ZNF423: variants seen among roughly 807,000 people sequenced by gnomAD.
ZNF423 encodes zinc finger protein 423.
Under a neutral mutation model 95.8 loss-of-function variants are expected in ZNF423, and 12 were observed. The ratio of observed to expected loss-of-function variants is 0.13; its 90% CI spans 0.08 to 0.20. ZNF423 has a LOEUF of 0.20. Ranked by LOEUF, ZNF423 falls within the 10% of genes least tolerant of loss-of-function variation. The probability of loss-of-function intolerance (pLI) is 1.00; values close to 1 mark genes in which losing one functional copy is unlikely to be tolerated. For missense variants in ZNF423, 1,316 were observed against 1,737.1 expected (o/e 0.76, Z 4.31); for synonymous variants, 749 against 711.9 (o/e 1.05, Z -0.83).
chr16:49,729,458 A>G (rs1874237182), intron 3 of ZNF423, among the ~76,000 whole-genome samples: 1 of 151,966 alleles, frequency 6.6e-6, no homozygotes, highest in Admixed American at 6.5e-5. Context: ...TTGCCCTAGT[A>G]TTTCCCTTGG....
intron 3 of ZNF423, among the ~76,000 whole-genome samples, chr16:49,726,135 T>C (rs1285179739): frequency 6.6e-6 from 1 of 152,118 alleles, no homozygotes; most frequent in Admixed American, 6.5e-5. Flanking sequence ...CACAGGCCCC[T>C]GCTGACAGCC....
At chr16:49,589,140 T>C (rs1482219070) in intron 5 of ZNF423, among the ~76,000 whole-genome samples, 1 of 152,122 alleles carries the variant, frequency 6.6e-6, no homozygotes, top group African/African-American at 2.4e-5. Context: ...CAAGAGTCAC[T>C]GAAACCCCTC....
At chr16:49,770,037 C>G (rs570158900) in intron 2 of ZNF423, among the ~76,000 whole-genome samples, 7 of 152,152 alleles carry the variant, frequency 4.6e-5, no homozygotes, top group African/African-American at 1.7e-4. Context: ...GCATGTGGTG[C>G]ATTTTTATTC....
chr16:49,526,996 G>A (rs1968636426), intron 5 of ZNF423, among the ~76,000 whole-genome samples: 1 of 152,230 alleles, frequency 6.6e-6, no homozygotes, highest in Non-Finnish European at 1.5e-5. Flanking sequence ...GCCCTTAAAG[G>A]CAAGAATTAG....
intron 3 of ZNF423, among the ~76,000 whole-genome samples, chr16:49,696,354 G>T (rs1596871986): frequency 6.6e-6 from 1 of 152,316 alleles, no homozygotes; most frequent in South Asian, 2.1e-4. Context: ...AAGGCTAGAA[G>T]GCTCTGATTT....
rs377678549 is a variant in ZNF423 at position 49,504,272 on chromosome 16, C to T, written c.3850-12968G>A. Among the ~76,000 whole-genome samples, 4 of 152,286 alleles carry T rather than the reference C, an allele frequency of 2.6e-5. No homozygotes were observed. In the East Asian group the frequency reaches 5.8e-4, roughly 22 times the overall value. On this transcript the variant is annotated intron_variant, in intron 7 of 7. Coordinates refer to ENST00000563137, the MANE Select transcript of ZNF423 (RefSeq NM_001379286.1). ...AAATTTTATGCTACGTGAATTTTTA[C>T]AATGAAAAACAGGCCAGGCACAGTG...
Position 49,637,220 on chromosome 16 carries a change from A to C in ZNF423, c.1956T>G (p.Phe652Leu), listed in dbSNP as rs2151884283. The stretch of plus-strand genomic sequence containing the variant: ...GCTTCAGGTGGGTCTGGAAGCTCTC[A>C]AAGTTGGAGAACTTGAGGTCGCATT... ...CNQCDLKFSN[F>L]ESFQTHLKLH... Residue 652 changes from phenylalanine (F) to leucine (L), a missense_variant, in exon 4 of 8, where the codon TTT becomes TTG. Phe to Leu is a conservative substitution (Grantham distance 22, BLOSUM62 0). Transcript: ENST00000563137. The surrounding 1 kb of genome is among the most constrained non-coding windows in gnomAD (Gnocchi z 5.6). 6.2e-7 allele frequency: 1 copy of C among 1,614,076 alleles called. No individual in the cohort carries two copies. The highest frequency in any genetic ancestry group is 8.5e-7 in the Non-Finnish European group (1 of 1,180,042).
chr16:49,586,741 A>C (rs1372824585), intron 5 of ZNF423, among the ~76,000 whole-genome samples: 4 of 152,208 alleles, frequency 2.6e-5, no homozygotes, highest in Non-Finnish European at 4.4e-5. Flanking sequence ...TTCACAGCAC[A>C]GTATTCAAAC....
chr16:49,523,480 T>C (rs1367443645), intron 7 of ZNF423, 144 bp downstream of exon 7: 1 of 669,788 alleles, frequency 1.5e-6, no homozygotes, highest in African/African-American at 1.8e-5. Flanking sequence ...TGAAACTCCA[T>C]GCCTGCTAGC....
At position 49,638,283 on chromosome 16, in the gene ZNF423, G is replaced by A; in HGVS notation, c.893C>T (p.Ser298Phe). ...AATGCACTGCAGGTCCGCCTTCTCGGACAGCTGCGGGTGGCGGGTGAGCAC... is the reference window on the plus strand; with the variant it reads ...AATGCACTGCAGGTCCGCCTTCTCGAACAGCTGCGGGTGGCGGGTGAGCAC... ...KHVLTRHPQL[S>F]EKADLQCIHC... is the part of the protein sequence containing the mutation. Residue 298 changes from serine to phenylalanine, a missense_variant, in exon 4 of 8, where the codon TCC becomes TTC. Physicochemically the swap from Ser to Phe is radical, Grantham distance 155. Around this residue, in one of 6 missense-constraint regions of ZNF423, gnomAD observed 399 missense variants for 478.5 expected, o/e 0.83. Transcript: ENST00000563137. This position sits in a 1 kb window ranked among gnomAD's most constrained non-coding sequence, Gnocchi z 5.6. 4 of 1,613,534 alleles carry A rather than the reference G, an allele frequency of 2.5e-6. No individual in the cohort carries two copies. Among genetic ancestry groups the A allele is most frequent in the Non-Finnish European group, 3.4e-6 (4 of 1,180,054 alleles).
At chr16:49,491,512 A>G (rs1489109664) in intron 7 of ZNF423, among the ~76,000 whole-genome samples, 1 of 150,374 alleles carries the variant, frequency 6.7e-6, no homozygotes, top group Non-Finnish European at 1.5e-5. Context: ...TGTTACTGCC[A>G]ACTTGGACTC....
intron 7 of ZNF423, among the ~76,000 whole-genome samples, chr16:49,515,517 C>T (rs962653149): frequency 3.9e-5 from 6 of 152,186 alleles, no homozygotes; most frequent in East Asian, 1.9e-4. Context: ...CTCGGCAAAC[C>T]GCTTAACTTC....
intron 3 of ZNF423, among the ~76,000 whole-genome samples, chr16:49,674,267 A>C (rs574674729): frequency 6.6e-6 from 1 of 152,310 alleles, no homozygotes; most frequent in African/African-American, 2.4e-5. Flanking sequence ...TGTGCAGTCC[A>C]ACAGCTGATG....
chr16:49,522,695 G>A (rs57189781), intron 7 of ZNF423, among the ~76,000 whole-genome samples: 7,356 of 152,108 alleles, frequency 0.048, 244 homozygotes, highest in African/African-American at 0.095. Flanking sequence ...GCATGTGTGC[G>A]GTATTCCTCA....
At chr16:49,706,837 G>C (rs1436030170) in intron 3 of ZNF423, among the ~76,000 whole-genome samples, 1 of 152,098 alleles carries the variant, frequency 6.6e-6, no homozygotes, top group Non-Finnish European at 1.5e-5. Flanking sequence ...TAATGGCTCC[G>C]GGCACCAACA....
intron 3 of ZNF423, among the ~76,000 whole-genome samples, chr16:49,713,949 G>T (rs968704190): frequency 1.3e-5 from 2 of 152,114 alleles, no homozygotes; most frequent in Non-Finnish European, 2.9e-5. Context: ...ATGACCAGTG[G>T]CTTTCTCCCT....
At chr16:49,782,865 T>C (rs112775458) in intron 2 of ZNF423, among the ~76,000 whole-genome samples, 2,982 of 151,596 alleles carry the variant, frequency 0.02, 88 homozygotes, top group African/African-American at 0.069. Context: ...GGTACATGCC[T>C]GTAATTCCAG....
At chr16:49,493,847 A>G (rs937117119) in intron 7 of ZNF423, among the ~76,000 whole-genome samples, 2 of 152,232 alleles carry the variant, frequency 1.3e-5, no homozygotes, top group Non-Finnish European at 2.9e-5. Flanking sequence ...CACAGGTCCC[A>G]GCACAGAAGT....
intron 3 of ZNF423, among the ~76,000 whole-genome samples, chr16:49,726,432 T>C (rs1445276649): frequency 1.3e-5 from 2 of 152,144 alleles, no homozygotes; most frequent in Non-Finnish European, 2.9e-5. Flanking sequence ...AGGCAGTTCC[T>C]AGAGAAACTT....
Sources: allele counts gnomAD v4.1 joint callset (sites outside exome capture counted in the v4.1 genomes callset), GRCh38; gene constraint gnomAD v4.1.1; regional missense constraint gnomAD v4.1.1; non-coding constraint Gnocchi (gnomAD v3.1); transcripts MANE v1.5; gene names NCBI Gene and HGNC (gene_info 2026-07-23, HGNC 2026-07-21).